EYA2: variants seen among roughly 807,000 people sequenced by gnomAD.
EYA2 encodes protein phosphatase EYA2.
A neutral mutation model predicts 69.2 loss-of-function variants in EYA2; 31 were observed. The observed-to-expected ratio is 0.45, with a 90% CI of 0.34 to 0.60. The LOEUF (loss-of-function observed/expected upper bound fraction) is 0.60. Ranked by LOEUF, EYA2 falls within the 20% of genes least tolerant of loss-of-function variation. The probability of loss-of-function intolerance (pLI) is 0.02; values close to 1 mark genes in which losing one functional copy is unlikely to be tolerated. For synonymous variants in EYA2, 257 were observed against 279.4 expected (o/e 0.92, Z 0.80); for missense variants, 622 against 701.2 (o/e 0.89, Z 1.28).
At chr20:47,160,680 T>C (rs1368348492) in intron 10 of EYA2, among the ~76,000 whole-genome samples, 3 of 152,226 alleles carry the variant, frequency 2.0e-5, no homozygotes, top group Non-Finnish European at 2.9e-5. Flanking sequence ...TGTGTACGCA[T>C]CTTGAATCAG....
intron 7 of EYA2, among the ~76,000 whole-genome samples, chr20:47,077,192 T>C (rs1346898040): frequency 6.6e-6 from 1 of 152,196 alleles, no homozygotes; most frequent in African/African-American, 2.4e-5. Flanking sequence ...AACCTTGATA[T>C]GGATGCCACC....
intron 1 of EYA2, among the ~76,000 whole-genome samples, chr20:46,929,152 C>CAAAA (rs11329475): frequency 3.1e-5 from 3 of 98,320 alleles, no homozygotes; most frequent in Non-Finnish European, 4.3e-5. Context: ...ATAAGTTGTG[C>CAAAA]AAAAAAAAAA....
chr20:47,141,574 T>C (rs1264659011), intron 9 of EYA2, among the ~76,000 whole-genome samples: 3 of 152,232 alleles, frequency 2.0e-5, no homozygotes, highest in Non-Finnish European at 2.9e-5. Context: ...AAATCTCATC[T>C]ACTTCTCATT....
chr20:46,995,894 C>T (rs1364006579), intron 2 of EYA2, among the ~76,000 whole-genome samples: 4 of 152,182 alleles, frequency 2.6e-5, no homozygotes, highest in African/African-American at 9.7e-5. Flanking sequence ...GGTACCTGCC[C>T]CATCTGCATA....
intron 10 of EYA2, among the ~76,000 whole-genome samples, chr20:47,166,497 A>C (rs1313902150): frequency 6.8e-6 from 1 of 147,124 alleles, no homozygotes; most frequent in Admixed American, 7.0e-5. Flanking sequence ...CCTTTCTTCC[A>C]ATTTCTCTAC....
At position 46,921,297 on chromosome 20, in the gene EYA2, G is replaced by A. The variant is rs1053435645; in HGVS notation, c.-11+26310G>A. Among the ~76,000 whole-genome samples, 44 of 152,382 alleles carry A rather than the reference G, an allele frequency of 2.9e-4. 1 individual carries two copies. Among genetic ancestry groups the A allele is most frequent in the East Asian group, 7.7e-4 (4 of 5,190 alleles). ...GGATTCTAGGCCCTGTTGAGGGCTGGAGGGTAACCTCTTAGGCTTGCATAG... is the reference window on the plus strand; with the variant it reads ...GGATTCTAGGCCCTGTTGAGGGCTGAAGGGTAACCTCTTAGGCTTGCATAG... On this transcript the variant is annotated intron_variant, in intron 1 of 15. Coordinates refer to ENST00000327619, the MANE Select transcript of EYA2 (RefSeq NM_005244.5).
At chr20:46,979,065 A>G (rs1980644737) in intron 1 of EYA2, among the ~76,000 whole-genome samples, 1 of 152,210 alleles carries the variant, frequency 6.6e-6, no homozygotes, top group African/African-American at 2.4e-5. Flanking sequence ...GGATGCTGGG[A>G]GTGACCCTCT....
chr20:47,075,165 C>T (rs2031470029), intron 7 of EYA2, among the ~76,000 whole-genome samples: 1 of 152,204 alleles, frequency 6.6e-6, no homozygotes, highest in African/African-American at 2.4e-5. Flanking sequence ...GAGCACATAC[C>T]TGTGTGGTCT....
chr20:47,077,120 G>C (rs1014503420), intron 7 of EYA2, among the ~76,000 whole-genome samples: 6 of 152,152 alleles, frequency 3.9e-5, no homozygotes, highest in Non-Finnish European at 8.8e-5. Flanking sequence ...AAAAAACCTA[G>C]AGCATTGTAA....
intron 1 of EYA2, among the ~76,000 whole-genome samples, chr20:46,913,427 A>G (rs952088671): frequency 6.6e-6 from 1 of 152,046 alleles, no homozygotes; most frequent in African/African-American, 2.4e-5. Context: ...CAGATTTTTG[A>G]CTTCTAAGCT....
chr20:46,938,577 A>G (rs1406031740), intron 1 of EYA2, among the ~76,000 whole-genome samples: 1 of 152,038 alleles, frequency 6.6e-6, no homozygotes, highest in East Asian at 1.9e-4. Context: ...GTTCCTCCCC[A>G]CATAGGCCTC....
At chr20:47,151,808 G>A (rs2033828649) in intron 10 of EYA2, among the ~76,000 whole-genome samples, 1 of 151,932 alleles carries the variant, frequency 6.6e-6, no homozygotes, top group African/African-American at 2.4e-5. Flanking sequence ...CACCAGCTGT[G>A]TATTCCAGGA....
chr20:46,942,761 TTTTG>T (rs966013928), intron 1 of EYA2, among the ~76,000 whole-genome samples: 33 of 152,232 alleles, frequency 2.2e-4, no homozygotes, highest in African/African-American at 7.7e-4. Flanking sequence ...CTGTTTTGTT[TTTTG>T]TTTGTTTATT....
At chr20:46,914,980 T>G (rs6018165) in intron 1 of EYA2, among the ~76,000 whole-genome samples, 21,964 of 152,150 alleles carry the variant, frequency 0.14, 2,317 homozygotes, top group East Asian at 0.49. Context: ...ACATCGTGCT[T>G]GAGAGCTTTG....
At chr20:47,126,096 A>G (rs2033184056) in intron 9 of EYA2, among the ~76,000 whole-genome samples, 1 of 152,234 alleles carries the variant, frequency 6.6e-6, no homozygotes. Context: ...ACAGTCTGCA[A>G]GCCCAGACAA....
intron 7 of EYA2, among the ~76,000 whole-genome samples, chr20:47,078,325 G>GCACACACACACACA (rs1358060493): frequency 9.5e-6 from 1 of 105,344 alleles, no homozygotes; most frequent in East Asian, 4.3e-4. Context: ...ACGTGCGCGC[G>GCACACACACACACA]CGCGCGCACA....
At chr20:47,161,315 C>T (rs138896806) in intron 10 of EYA2, 5,976 of 508,428 alleles carry the variant, frequency 0.012, 113 homozygotes, top group Middle Eastern at 0.037. Context: ...ACACCCAGAT[C>T]GACATACCAT....
At chr20:47,096,977 A>G (rs2032265191) in intron 8 of EYA2, 108 bp from the exon 9 acceptor site, 2 of 791,234 alleles carry the variant, frequency 2.5e-6, no homozygotes, top group Middle Eastern at 2.4e-4. Context: ...AACTAAAGAT[A>G]ATGTTTTTCG....
chr20:46,938,436 G>C (rs533689180), intron 1 of EYA2, among the ~76,000 whole-genome samples: 1 of 152,316 alleles, frequency 6.6e-6, no homozygotes, highest in Middle Eastern at 3.4e-3. Flanking sequence ...TGTAGGTCAG[G>C]AATCTGGGAG....
Sources: gnomAD v4.1 joint callset for allele counts (sites outside exome capture counted in the v4.1 genomes callset) on GRCh38, gnomAD v4.1.1 for gene constraint, MANE v1.5 for transcripts, NCBI Gene and HGNC (gene_info 2026-07-23, HGNC 2026-07-21) for gene names.